GART: variants seen among roughly 807,000 people sequenced by gnomAD.
The protein encoded by GART is trifunctional purine biosynthetic protein adenosine-3.
A neutral mutation model predicts 107.2 loss-of-function variants in GART; 43 were observed. The ratio of observed to expected loss-of-function variants is 0.40; its 90% confidence interval spans 0.31 to 0.52. The LOEUF (loss-of-function observed/expected upper bound fraction) is 0.52, where lower values mean the gene tolerates loss of function less well. GART is among the 20% of genes least tolerant of loss of function. The probability of loss-of-function intolerance (pLI) is 0.52; values close to 1 mark genes in which losing one functional copy is unlikely to be tolerated. For synonymous variants in GART, 434 were observed against 427.0 expected (o/e 1.02, Z -0.20); for missense variants, 1,107 against 1,206.5 (o/e 0.92, Z 1.22).
Position 33,534,631 on chromosome 21 carries a change from C to T in GART, c.364G>A (p.Ala122Thr), listed in dbSNP as rs369643556. ...EFMDRHGIPT[A>T]QWKAFTKPEE... ...GGTTTGGTGAAAGCCTTCCATTGTG[C>T]GGTTGGGATTCCATGTCTGTCCATA... Residue 122 changes from alanine (A) to threonine (T), a missense_variant, in exon 4 of 22, where the codon GCA becomes ACA. Physicochemically the swap from Ala to Thr is moderately conservative, Grantham distance 58. Coordinates refer to ENST00000381815, the MANE Select transcript of GART (RefSeq NM_000819.5). 22 of 1,614,054 alleles carry T rather than the reference C, an allele frequency of 1.4e-5. No individual in the cohort carries two copies. Among genetic ancestry groups the T allele is most frequent in the East Asian group, 1.3e-4 (6 of 44,898 alleles).
chr21:33,518,848 G>C (rs939879316), intron 14 of GART: 13 of 534,860 alleles, frequency 2.4e-5, no homozygotes, highest in Non-Finnish European at 2.9e-5. Flanking sequence ...TTAAGATGCT[G>C]GTAGCATTTC....
chr21:33,535,123 T>C (rs961482131), intron 3 of GART, 102 bp downstream of exon 3: 1 of 767,132 alleles, frequency 1.3e-6, no homozygotes, highest in Admixed American at 3.0e-5. Flanking sequence ...TTTTCCAAGA[T>C]AATATTACAA....
chr21:33,541,735 G>A (rs2085431866), intron 1 of GART, among the ~76,000 whole-genome samples: 1 of 152,134 alleles, frequency 6.6e-6, no homozygotes, highest in Admixed American at 6.5e-5. Context: ...GGAGAATAAA[G>A]TAGAAACCAA....
Position 33,509,940 on chromosome 21 carries a change from A to G in GART, c.2315-20T>C, listed in dbSNP as rs775878232. 5.6e-6 allele frequency: 9 copies of G among 1,596,020 alleles called. No individual in the cohort carries two copies. The Admixed American group carries it at 1.4e-4, about 25-fold the overall frequency. On this transcript the variant is annotated intron_variant, in intron 17 of 21. Transcript: ENST00000381815. ...GGGAACCTTCATTTCAAACATATCC[A>G]TAAATAAGTAAAGAACAATTGTGAA...
chr21:33,533,515 G>A (rs575660256), intron 4 of GART, among the ~76,000 whole-genome samples: 1 of 151,748 alleles, frequency 6.6e-6, no homozygotes, highest in East Asian at 1.9e-4. Context: ...CAATAGTGGT[G>A]GCAGATGACC....
In GART at chr21:33,531,508, A is replaced by G; in HGVS notation, c.578T>C (p.Leu193Pro). The G allele has an allele frequency of 6.2e-7, 1 of 1,613,286 alleles. No homozygotes were observed. Among genetic ancestry groups the G allele is most frequent in the Non-Finnish European group, 8.5e-7 (1 of 1,179,630 alleles). ...ACATACCGACACCTCTTCTCCGTCA[A>G]GAAGTTCTTCAATGACAATTGTTTC... is the stretch of plus-strand genomic sequence containing the variant. ...AGETIVIEEL[L>P]DGEEVSCLCF... Residue 193 changes from leucine (L) to proline (P), a missense_variant, in exon 6 of 22, where the codon CTT (leucine) becomes CCT (proline). Physicochemically the swap from Leu to Pro is moderately conservative, Grantham distance 98. Transcript: ENST00000381815.
chr21:33,531,464 A>G, intron 6 of GART, 25 bp downstream of exon 6: 2 of 1,606,218 alleles, frequency 1.2e-6, no homozygotes, highest in Non-Finnish European at 1.7e-6. Flanking sequence ...TACACTACAA[A>G]AGCCAAAAAG....
chr21:33,504,784 G>C (rs187396708), intron 20 of GART, among the ~76,000 whole-genome samples: 1 of 152,238 alleles, frequency 6.6e-6, no homozygotes, highest in Admixed American at 6.5e-5. Flanking sequence ...AGGAAGGTGG[G>C]GAGTTCAAGC....
intron 7 of GART, among the ~76,000 whole-genome samples, 186 bp from the exon 8 acceptor site, chr21:33,529,123 T>A (rs2085133935): frequency 6.6e-6 from 1 of 152,208 alleles, no homozygotes; most frequent in Non-Finnish European, 1.5e-5. Context: ...CAAGTAGGTA[T>A]TTTAGCTTTA....
chr21:33,535,279 T>C lies in GART; in HGVS notation c.187A>G (p.Lys63Glu), dbSNP rs1394648282. 1 of 1,583,380 alleles carries C rather than the reference T, an allele frequency of 6.3e-7. No homozygotes were observed. Among genetic ancestry groups the C allele is most frequent in the East Asian group, 2.3e-5 (1 of 43,302 alleles). ...SDHTALAQFC[K>E]EKKIEFVVVG... ...ACTACAAATTCAATTTTCTTCTCTTTGCAGAATTGAGCAAGGGCAGTGTGG... is the reference window on the plus strand; with the variant it reads ...ACTACAAATTCAATTTTCTTCTCTTCGCAGAATTGAGCAAGGGCAGTGTGG... The change falls in exon 3 of 22, where the codon AAA becomes GAA. Residue 63 changes from lysine to glutamate, a missense_variant. By Grantham distance (56) the Lys-to-Glu change is moderately conservative. Coordinates refer to ENST00000381815, the MANE Select transcript of GART (RefSeq NM_000819.5).
In GART at chr21:33,505,853, C is replaced by T; in HGVS notation, c.2583+121G>A. The stretch of plus-strand genomic sequence containing the variant: ...AAAGGGACAGGATGAAGAAGGCAAG[C>T]CCAGCACCCACCCAAAATGGCGAAG... On this transcript the variant is annotated intron_variant, in intron 19 of 21. Transcript: ENST00000381815. 2.8e-6 allele frequency: 4 copies of T among 1,449,032 alleles called. No individual in the cohort carries two copies. The South Asian group carries it at 5.3e-5, about 19-fold the overall frequency. The allele number at this position is 1,449,032 out of a possible 1,614,324, so 89.8% of individuals were successfully genotyped here.
intron 16 of GART, among the ~76,000 whole-genome samples, chr21:33,515,554 C>G (rs750887015): frequency 7.0e-6 from 1 of 141,984 alleles, no homozygotes; most frequent in African/African-American, 2.6e-5. Context: ...GCAGGAGAAT[C>G]AGTTGAATCC....
intron 6 of GART, chr21:33,531,278 T>C (rs2145745101): frequency 3.7e-6 from 2 of 534,090 alleles, no homozygotes; most frequent in Non-Finnish European, 6.6e-6. Context: ...TAAGTCCAAG[T>C]GCCCCCACTA....
chr21:33,505,888 C>G, intron 19 of GART, 86 bp downstream of exon 19: 1 of 1,551,248 alleles, frequency 6.4e-7, no homozygotes, highest in Non-Finnish European at 8.7e-7. Context: ...GTCCCAAGAA[C>G]AAGTGCCCAT....
At chr21:33,522,059 G>C in intron 12 of GART, 129 bp downstream of exon 12, 2 of 634,398 alleles carry the variant, frequency 3.2e-6, no homozygotes, top group Non-Finnish European at 5.5e-6. Flanking sequence ...GACTGGGTTT[G>C]GCTTAAGCAG....
chr21:33,532,063 A>G, intron 5 of GART: 1 of 332,254 alleles, frequency 3.0e-6, no homozygotes, highest in Non-Finnish European at 5.5e-6. Context: ...GGATGGCTTG[A>G]TAATTTATTT....
intron 18 of GART, among the ~76,000 whole-genome samples, chr21:33,507,683 T>C (rs2084706474): frequency 6.6e-6 from 1 of 151,936 alleles, no homozygotes; most frequent in Non-Finnish European, 1.5e-5. Context: ...ATACAAAAAA[T>C]TAGCCAGGCA....
At chr21:33,525,500 C>T (rs1048927581) in intron 10 of GART, among the ~76,000 whole-genome samples, 2 of 152,248 alleles carry the variant, frequency 1.3e-5, no homozygotes, top group South Asian at 4.1e-4. Context: ...GTGTGATCTC[C>T]GCTCACTGCA....
chr21:33,530,172 C>G (rs1457271351), intron 7 of GART, among the ~76,000 whole-genome samples: 1 of 152,184 alleles, frequency 6.6e-6, no homozygotes, highest in Non-Finnish European at 1.5e-5. Context: ...AGCCTGGTAA[C>G]AGAGCGAGAC....
Sources: gnomAD v4.1 joint callset for allele counts (sites outside exome capture counted in the v4.1 genomes callset) on GRCh38, gnomAD v4.1.1 for gene constraint, MANE v1.5 for transcripts, NCBI Gene and HGNC (gene_info 2026-07-23, HGNC 2026-07-21) for gene names.